PPP2R3B: variants seen among roughly 807,000 people sequenced by gnomAD.
PPP2R3B encodes the protein protein phosphatase 2 regulatory subunit B''beta.
Under a neutral mutation model 72.9 loss-of-function variants are expected in PPP2R3B, and 68 were observed. The observed-to-expected ratio is 0.93, with a 90% CI of 0.77 to 1.14. PPP2R3B has a LOEUF of 1.14. Ranked by LOEUF, PPP2R3B falls within the 50% of genes most tolerant of loss-of-function variation. PPP2R3B has a pLI of 0.00. For synonymous variants in PPP2R3B, 466 were observed against 375.8 expected (o/e 1.24, Z -2.78); for missense variants, 1,018 against 842.0 (o/e 1.21, Z -2.59).
In PPP2R3B at chrX:340,456, TCCCGTCTGTCCC is replaced by T. The variant is rs1569377944; in HGVS notation, c.1351+297_1351+308del. Among the ~76,000 whole-genome samples, 21 of 67,240 alleles carry T rather than the reference TCCCGTCTGTCCC, an allele frequency of 3.1e-4. 1 individual carries two copies. Among genetic ancestry groups the T allele is most frequent in the Middle Eastern group, 9.1e-3 (1 of 110 alleles). 44.1% of individuals were successfully genotyped at this position (67,240 alleles called of 152,430 possible). A position where few individuals can be genotyped will look rare whatever the true frequency, so the allele number is the denominator to read the frequency against. ...TCCCCTCACCCTGGTCCGTCCCCCCTCCCGTCTGTCCCCTCACCCTGGGCCGTCCCCCCTCCC... is the reference window on the plus strand; with the variant it reads ...TCCCCTCACCCTGGTCCGTCCCCCCTCTCACCCTGGGCCGTCCCCCCTCCC... On this transcript the variant is annotated intron_variant, in intron 10 of 12. Transcript: ENST00000390665.
Position 361,453 on chromosome X carries a change from C to A in PPP2R3B, c.462G>T (p.Arg154=). The A allele has an allele frequency of 6.2e-7, 1 of 1,613,986 alleles. No homozygotes were observed. Among genetic ancestry groups the A allele is most frequent in the South Asian group, 1.1e-5 (1 of 91,082 alleles). The change falls in exon 2 of 13, where the codon CGG becomes CGT. Residue 154 remains arginine, a synonymous_variant. Coordinates refer to ENST00000390665, the MANE Select transcript of PPP2R3B (RefSeq NM_013239.5). ...CCATGGTGGCCCTCTCGTGGGGGAA[C>A]CGGGCGAAGGTGCTCTCGATCTTGC... ...VISKIESTFA[R]FPHERATMDD...
chrX:363,104 G>C (rs1423813309), intron 1 of PPP2R3B, among the ~76,000 whole-genome samples: 1 of 152,008 alleles, frequency 6.6e-6, no homozygotes, highest in African/African-American at 2.4e-5. Context: ...CAGGCTTCCC[G>C]CAGTAGCTGC....
chrX:384,273 T>TCG (rs2072193987), intron 1 of PPP2R3B, among the ~76,000 whole-genome samples: 1 of 148,506 alleles, frequency 6.7e-6, no homozygotes, highest in East Asian at 1.9e-4. Flanking sequence ...TCTCTCTCTC[T>TCG]CTCTCTCTCT....
intron 5 of PPP2R3B, 25 bp downstream of exon 5, chrX:346,676 G>A (rs2738353): frequency 0.39 from 628,319 of 1,591,820 alleles, 126,204 homozygotes; most frequent in South Asian, 0.49. Flanking sequence ...CGCTGGAACC[G>A]ACGGCCCCTC....
At chrX:357,526 G>T (rs1464571950) in intron 2 of PPP2R3B, among the ~76,000 whole-genome samples, 1 of 152,170 alleles carries the variant, frequency 6.6e-6, no homozygotes, top group African/African-American at 2.4e-5. Flanking sequence ...GACGGATCAA[G>T]AAAGGAACCG....
chrX:358,160 C>T (rs1319504304), intron 2 of PPP2R3B, among the ~76,000 whole-genome samples: 9 of 152,298 alleles, frequency 5.9e-5, no homozygotes, highest in African/African-American at 2.2e-4. Context: ...GCCGGGGGCC[C>T]GGCTCACAGA....
In PPP2R3B at chrX:371,937, CA is replaced by C. The variant is rs2071875301; in HGVS notation, c.325-10348del. On this transcript the variant is annotated intron_variant, in intron 1 of 12. Transcript: ENST00000390665. ...GAAACCTATTTTCTGTAAAATGAAGCAAACTTCTGTAAACGGAATTCATGAT... is the reference window on the plus strand; with the variant it reads ...GAAACCTATTTTCTGTAAAATGAAGCAACTTCTGTAAACGGAATTCATGAT... Among the ~76,000 whole-genome samples the C allele has an allele frequency of 2.6e-5, 4 of 152,040 alleles. No individual in the cohort carries two copies. The East Asian group carries it at 7.7e-4, about 29-fold the overall frequency.
chrX:341,078 C>CCTG, intron 9 of PPP2R3B, 138 bp from the exon 10 acceptor site: 1 of 1,303,748 alleles, frequency 7.7e-7, no homozygotes, highest in Non-Finnish European at 1.1e-6. Flanking sequence ...CAGGCATCCC[C>CCTG]TGCCCCCTGC....
intron 7 of PPP2R3B, among the ~76,000 whole-genome samples, chrX:344,092 A>G (rs868130089): frequency 0.28 from 5,981 of 21,086 alleles, 428 homozygotes; most frequent in Non-Finnish European, 0.31. Context: ...GGGAGACCTC[A>G]CCAACGGGAG....
intron 7 of PPP2R3B, among the ~76,000 whole-genome samples, chrX:344,589 A>G (rs1231670597): frequency 2.0e-5 from 3 of 152,222 alleles, no homozygotes; most frequent in Non-Finnish European, 2.9e-5. Flanking sequence ...GTTCACAGGG[A>G]CAGTGAGCGC....
At chrX:334,717 T>A in intron 12 of PPP2R3B, 200 bp from the exon 13 acceptor site, 1 of 614,008 alleles carries the variant, frequency 1.6e-6, no homozygotes, top group Non-Finnish European at 2.5e-6. Context: ...GGGAGGGGCC[T>A]GCGGTGCAGG....
chrX:374,612 A>G (rs2071949675), intron 1 of PPP2R3B, among the ~76,000 whole-genome samples: 1 of 152,128 alleles, frequency 6.6e-6, no homozygotes, highest in African/African-American at 2.4e-5. Flanking sequence ...GAGACAGGAT[A>G]CCTTCGGGCT....
intron 9 of PPP2R3B, 89 bp downstream of exon 9, chrX:341,200 CCGTGCAGCCCCCACCAGG>C (rs372198440): frequency 2.9e-6 from 3 of 1,042,646 alleles, no homozygotes; most frequent in African/African-American, 4.5e-5. Context: ...TCCCCCTGTG[CCGTGCAGCCCCCACCAGG>C]CGTGCAGGCA....
rs1259331772 is a variant in PPP2R3B, at chrX:334,413, T to G, written c.1682A>C (p.Asp561Ala). 6.3e-7 allele frequency: 1 copy of G among 1,590,756 alleles called. No individual in the cohort carries two copies. Among genetic ancestry groups the G allele is most frequent in the Non-Finnish European group, 8.5e-7 (1 of 1,174,448 alleles). ...FEAPSPLGAVDLYEYACGDED... is the reference protein window; with the variant it reads ...FEAPSPLGAVALYEYACGDED... The stretch of plus-strand genomic sequence containing the variant: ...GTCCCCGCATGCGTACTCGTACAGG[T>G]CCACGGCGCCCAGCGGTGAGGGCGC... Residue 561 changes from aspartate to alanine, a missense_variant, in exon 13 of 13, where the codon GAC becomes GCC. Asp to Ala is a moderately radical substitution (Grantham distance 126). Transcript: ENST00000390665.
intron 7 of PPP2R3B, among the ~76,000 whole-genome samples, chrX:342,390 A>G (rs770874661): frequency 1.5e-4 from 18 of 116,178 alleles, no homozygotes; most frequent in African/African-American, 2.2e-4. Context: ...GTGAGACCTC[A>G]GCAACGGGAG....
In PPP2R3B at chrX:361,482, T is replaced by G. The variant is rs1347844899; in HGVS notation, c.433A>C (p.Ile145Leu). 5.0e-6 allele frequency: 8 copies of G among 1,613,890 alleles called. No homozygotes were observed. Among genetic ancestry groups the G allele is most frequent in the Non-Finnish European group, 6.8e-6 (8 of 1,179,874 alleles). The change falls in exon 2 of 13, where the codon ATC (isoleucine) becomes CTC (leucine). Residue 145 changes from isoleucine (I) to leucine (L), a missense_variant. Ile to Leu is a conservative substitution (Grantham distance 5, BLOSUM62 2). Transcript: ENST00000390665. ...PQDSVNVDAVISKIESTFARF... is the reference protein window; with the variant it reads ...PQDSVNVDAVLSKIESTFARF... ...GCGAAGGTGCTCTCGATCTTGCTGA[T>G]GACGGCATCCACGTTGACGGAGTCC...
chrX:346,388 G>A (rs1474754133), intron 5 of PPP2R3B, 128 bp from the exon 6 acceptor site: 12 of 907,134 alleles, frequency 1.3e-5, no homozygotes, highest in South Asian at 4.8e-5. Context: ...GGGCACAGGC[G>A]GGGGCAGAGG....
intron 1 of PPP2R3B, among the ~76,000 whole-genome samples, chrX:381,061 G>A (rs748875327): frequency 6.6e-6 from 1 of 152,030 alleles, no homozygotes; most frequent in African/African-American, 2.4e-5. Context: ...ACAAGCAGCT[G>A]AGACTTCAGG....
intron 1 of PPP2R3B, among the ~76,000 whole-genome samples, chrX:378,887 G>A (rs1238355071): frequency 6.6e-6 from 1 of 152,210 alleles, no homozygotes; most frequent in East Asian, 1.9e-4. Flanking sequence ...TACAGTCCCT[G>A]GGCAAGCTCA....
Sources: gnomAD v4.1 joint callset for allele counts (sites outside exome capture counted in the v4.1 genomes callset) on GRCh38, gnomAD v4.1.1 for gene constraint, MANE v1.5 for transcripts, NCBI Gene and HGNC (gene_info 2026-07-23, HGNC 2026-07-21) for gene names.